The following ZPBP variants were observed in gnomAD, a reference collection of about 807,000 sequenced individuals.
The protein encoded by ZPBP is zona pellucida-binding protein 1.
A neutral mutation model predicts 44.8 loss-of-function variants in ZPBP; 26 were observed. The ratio of observed to expected loss-of-function variants is 0.58; its 90% CI spans 0.43 to 0.81. The LOEUF (loss-of-function observed/expected upper bound fraction) is 0.81. ZPBP is among the 30% of genes least tolerant of loss of function. ZPBP has a pLI of 0.00. For missense variants in ZPBP, 409 were observed against 434.0 expected, an observed-to-expected ratio of 0.94 and a Z score of 0.51; for synonymous variants, 174 against 153.2, an observed-to-expected ratio of 1.14 and a Z score of -1.00.
chr7:49,978,503 C>A (rs1369152368), intron 7 of ZPBP, among the ~76,000 whole-genome samples: 2 of 152,178 alleles, frequency 1.3e-5, no homozygotes, highest in African/African-American at 4.8e-5. Context: ...AGGAAAAGAA[C>A]AAATCTGGTG....
chr7:49,979,375 A>G (rs1341476659), intron 7 of ZPBP, among the ~76,000 whole-genome samples: 2 of 152,106 alleles, frequency 1.3e-5, no homozygotes, highest in Non-Finnish European at 2.9e-5. Context: ...GAGATCAAAT[A>G]TTCAGGAGCA....
chr7:50,086,535 T>C (rs1011561905), intron 2 of ZPBP, among the ~76,000 whole-genome samples: 1 of 151,990 alleles, frequency 6.6e-6, no homozygotes. Flanking sequence ...TTATTTTTAA[T>C]AAACTGCAGA....
chr7:50,032,909 G>A (rs1446969662), intron 4 of ZPBP, among the ~76,000 whole-genome samples: 2 of 152,162 alleles, frequency 1.3e-5, no homozygotes, highest in Non-Finnish European at 2.9e-5. Context: ...TGACATCACT[G>A]AGATAATACA....
downstream of ZPBP, among the ~76,000 whole-genome samples, chr7:49,934,769 T>C (rs1186287426): frequency 6.6e-6 from 1 of 152,150 alleles, no homozygotes; most frequent in Admixed American, 6.5e-5. Context: ...TCCATTGAGA[T>C]TACTGGACCA....
chr7:49,940,084 A>G (rs1185871275), intron 7 of ZPBP, among the ~76,000 whole-genome samples: 5 of 152,190 alleles, frequency 3.3e-5, no homozygotes, highest in African/African-American at 7.2e-5. Context: ...CCTCCTTTTC[A>G]TAAACAGACA....
chr7:50,024,955 T>C (rs183705653), intron 5 of ZPBP, among the ~76,000 whole-genome samples: 10 of 152,086 alleles, frequency 6.6e-5, no homozygotes, highest in Admixed American at 6.6e-4. Context: ...AAACATGTTG[T>C]ATAACTTAAA....
At chr7:49,872,892 G>C in intron 2 of ZPBP, among the ~76,000 whole-genome samples, 1 of 103,938 alleles carries the variant, frequency 9.6e-6, no homozygotes, top group East Asian at 3.0e-4. Context: ...CTCCAGCCTG[G>C]GAGACAGAGC....
intron 2 of ZPBP, among the ~76,000 whole-genome samples, chr7:49,892,043 T>G (rs936232594): frequency 3.2e-5 from 4 of 124,870 alleles, no homozygotes; most frequent in African/African-American, 1.2e-4. Context: ...TTTTTTTTTT[T>G]TTTTTTTTTT....
intron 6 of ZPBP, among the ~76,000 whole-genome samples, chr7:49,996,668 T>C (rs186089654): frequency 7.9e-5 from 12 of 152,328 alleles, no homozygotes; most frequent in Admixed American, 3.3e-4. Context: ...TAGGAACTGA[T>C]TGAGGTGACT....
rs748904802 is a variant in ZPBP, at chr7:50,058,031, C to T, written c.445G>A (p.Glu149Lys). Residue 149 changes from glutamate (E) to lysine (K), a missense_variant, in exon 4 of 8, where the codon GAA (glutamate) becomes AAA (lysine). Coordinates refer to ENST00000046087, the MANE Select transcript of ZPBP (RefSeq NM_007009.3). The part of the protein sequence containing the change: ...TCFLEYKPTV[E>K]EIVKRLQLKY... ...AGTTGAAGACGTTTAACAATTTCTT[C>T]CACAGTAGGTTTATATTCGAGGAAA... 1 of 1,613,068 alleles carries T rather than the reference C, an allele frequency of 6.2e-7. No homozygotes were observed. Among genetic ancestry groups the T allele is most frequent in the Admixed American group, 1.7e-5 (1 of 59,974 alleles).
At chr7:49,888,338 T>G (rs1265020516) in intron 2 of ZPBP, among the ~76,000 whole-genome samples, 1 of 152,250 alleles carries the variant, frequency 6.6e-6, no homozygotes, top group Non-Finnish European at 1.5e-5. Flanking sequence ...TAGCTATTAT[T>G]TAGATGATCA....
At chr7:49,937,197 G>A (rs990380084), downstream of ZPBP, among the ~76,000 whole-genome samples, 1 of 152,104 alleles carries the variant, frequency 6.6e-6, no homozygotes, top group Admixed American at 6.5e-5. Flanking sequence ...TGGTGGCCTG[G>A]ATCTAGTGAA....
intron 1 of ZPBP, chr7:49,914,069 C>T (rs962063077): frequency 6.6e-6 from 1 of 152,184 alleles, no homozygotes; most frequent in Admixed American, 6.5e-5. Context: ...GACTGGTAGA[C>T]ATTGGCCATC....
chr7:50,078,426 T>C (rs1006868036), intron 3 of ZPBP, among the ~76,000 whole-genome samples: 2 of 151,612 alleles, frequency 1.3e-5, no homozygotes, highest in Non-Finnish European at 3.0e-5. Flanking sequence ...AAGGAATAAA[T>C]GCTTTAGGGG....
intron 2 of ZPBP, among the ~76,000 whole-genome samples, chr7:49,850,824 C>G (rs1358571257): frequency 1.3e-5 from 2 of 152,188 alleles, no homozygotes; most frequent in African/African-American, 2.4e-5. Context: ...CAAGCATGTA[C>G]TGCCATTACA....
chr7:49,842,158 G>C, the ZPBP span, among the ~76,000 whole-genome samples: 1 of 152,068 alleles, frequency 6.6e-6, no homozygotes, highest in East Asian at 1.9e-4. Context: ...GTGAGCCACC[G>C]CGCCTGGCCA....
At chr7:49,899,635 A>G (rs977285598) in intron 2 of ZPBP, among the ~76,000 whole-genome samples, 10 of 152,014 alleles carry the variant, frequency 6.6e-5, no homozygotes, top group African/African-American at 1.9e-4. Context: ...CAGGTCTTCA[A>G]TATGCATTTG....
At chr7:50,014,465 CTT>C (rs11378550) in intron 6 of ZPBP, among the ~76,000 whole-genome samples, 7 of 132,364 alleles carry the variant, frequency 5.3e-5, no homozygotes, top group Admixed American at 2.4e-4. Flanking sequence ...CTTTCTTTTT[CTT>C]TTTTTTTTTT....
At chr7:50,055,876 T>C (rs780929854) in intron 4 of ZPBP, among the ~76,000 whole-genome samples, 2 of 152,192 alleles carry the variant, frequency 1.3e-5, no homozygotes, top group Middle Eastern at 3.2e-3. Context: ...AGTACATTTA[T>C]TATAAGTTAG....
Sources: allele counts gnomAD v4.1 joint callset (sites outside exome capture counted in the v4.1 genomes callset), GRCh38; gene constraint gnomAD v4.1.1; transcripts MANE v1.5; gene names NCBI Gene and HGNC (gene_info 2026-07-23, HGNC 2026-07-21).